UGGT2: variants seen among roughly 807,000 people sequenced by gnomAD.
The protein encoded by UGGT2 is UDP-glucose glycoprotein glucosyltransferase 2.
A neutral mutation model predicts 192.1 loss-of-function variants in UGGT2; 180 were observed. That is an observed-to-expected ratio of 0.94 (90% CI 0.83 to 1.06). The LOEUF (loss-of-function observed/expected upper bound fraction) is 1.06. Among genes scored for constraint, UGGT2 ranks in the 50% least tolerant of loss-of-function variants. The pLI is 0.00. For missense variants in UGGT2, 1,849 were observed against 1,795.7 expected (o/e 1.03, Z -0.54); for synonymous variants, 580 against 591.0 (o/e 0.98, Z 0.27).
At chr13:95,889,976 C>T (rs946249398) in intron 25 of UGGT2, among the ~76,000 whole-genome samples, 5 of 152,174 alleles carry the variant, frequency 3.3e-5, no homozygotes, top group African/African-American at 1.2e-4. Context: ...TCAACAATGA[C>T]ACAGGCAGTG....
chr13:95,803,641 C>T (rs1363165030), intron 38 of UGGT2, among the ~76,000 whole-genome samples: 2 of 152,070 alleles, frequency 1.3e-5, no homozygotes, highest in Non-Finnish European at 2.9e-5. Flanking sequence ...ACAGGATGGG[C>T]TTTGATCTGT....
intron 36 of UGGT2, among the ~76,000 whole-genome samples, chr13:95,840,200 C>T (rs556740473): frequency 6.6e-6 from 1 of 152,104 alleles, no homozygotes; most frequent in Non-Finnish European, 1.5e-5. Flanking sequence ...CAAATGGGAT[C>T]TATTTAAACT....
At chr13:95,914,612 TAAAAAAAAAAAAAAAAAAAA>T (rs146990164) in intron 20 of UGGT2, among the ~76,000 whole-genome samples, 1,460 of 81,002 alleles carry the variant, frequency 0.018, 25 homozygotes, top group Middle Eastern at 0.03. Flanking sequence ...CCATCTCTAC[TAAAAAAAAAAAAAAAAAAAA>T]AAAAAAAAAA....
intron 10 of UGGT2, among the ~76,000 whole-genome samples, chr13:95,977,809 T>C (rs748044965): frequency 7.9e-5 from 12 of 152,184 alleles, no homozygotes; most frequent in Non-Finnish European, 1.2e-4. Flanking sequence ...TCATCAATGA[T>C]AGACTGGATA....
chr13:95,838,493 A>C (rs1330471380), intron 36 of UGGT2, among the ~76,000 whole-genome samples: 2 of 152,140 alleles, frequency 1.3e-5, no homozygotes, highest in African/African-American at 4.8e-5. Flanking sequence ...AATATCCAAC[A>C]CAATATTGAA....
At chr13:95,807,726 T>C (rs1594049340) in intron 38 of UGGT2, among the ~76,000 whole-genome samples, 1 of 147,080 alleles carries the variant, frequency 6.8e-6, no homozygotes, top group Non-Finnish European at 1.5e-5. Flanking sequence ...CTTTTTTTTT[T>C]TTTTTTTTTG....
chr13:95,937,538 A>G lies in UGGT2; in HGVS notation c.1813-450T>C, dbSNP rs754002844. Among the ~76,000 whole-genome samples, 109 of 152,334 alleles carry G rather than the reference A, an allele frequency of 7.2e-4. 1 individual carries two copies. Among genetic ancestry groups the G allele is most frequent in the Non-Finnish European group, 1.4e-3 (97 of 68,020 alleles). Reference sequence around the variant, plus strand: ...ATTTATCCCTGTATTTATATGTTCAATAAACACTTATTCAATCCTGCCACC... The same window carrying G: ...ATTTATCCCTGTATTTATATGTTCAGTAAACACTTATTCAATCCTGCCACC... On this transcript the variant is annotated intron_variant, in intron 16 of 38. Coordinates refer to ENST00000376747, the MANE Select transcript of UGGT2 (RefSeq NM_020121.4).
chr13:95,947,448 C>T, intron 14 of UGGT2, among the ~76,000 whole-genome samples: 2 of 127,068 alleles, frequency 1.6e-5, no homozygotes, highest in African/African-American at 2.6e-5. Flanking sequence ...TAAATATACT[C>T]TTTTTATTTT....
intron 12 of UGGT2, among the ~76,000 whole-genome samples, chr13:95,958,930 T>C (rs1273340038): frequency 3.3e-5 from 5 of 152,202 alleles, no homozygotes; most frequent in Non-Finnish European, 7.3e-5. Flanking sequence ...TTCACCCTTA[T>C]GGGCTTCTGA....
intron 20 of UGGT2, among the ~76,000 whole-genome samples, chr13:95,923,557 A>G (rs9561985): frequency 0.36 from 55,409 of 151,874 alleles, 10,433 homozygotes; most frequent in Middle Eastern, 0.42. Context: ...TAGTGGAGAC[A>G]AAGTCATTTT....
intron 1 of UGGT2, among the ~76,000 whole-genome samples, chr13:96,040,424 T>C (rs1466791448): frequency 6.6e-6 from 1 of 152,138 alleles, no homozygotes; most frequent in African/African-American, 2.4e-5. Context: ...TAAAATGACA[T>C]TGGATTTGGG....
intron 38 of UGGT2, among the ~76,000 whole-genome samples, chr13:95,814,529 T>A (rs368115993): frequency 8.0e-4 from 122 of 152,344 alleles, no homozygotes; most frequent in African/African-American, 2.7e-3. Context: ...ATCTCCTTTG[T>A]ATCTTGGAAA....
At chr13:96,009,287 G>A (rs2052080600) in intron 5 of UGGT2, among the ~76,000 whole-genome samples, 2 of 152,180 alleles carry the variant, frequency 1.3e-5, no homozygotes, top group Non-Finnish European at 2.9e-5. Context: ...CCCTGGCAAA[G>A]ATTTCATGAC....
intron 12 of UGGT2, among the ~76,000 whole-genome samples, chr13:95,956,309 A>G (rs2050210313): frequency 6.6e-6 from 1 of 152,208 alleles, no homozygotes; most frequent in Non-Finnish European, 1.5e-5. Context: ...GGTAACCAAA[A>G]AAAGGTGGAA....
At chr13:95,885,152 T>A (rs1041624981) in intron 26 of UGGT2, among the ~76,000 whole-genome samples, 5 of 152,244 alleles carry the variant, frequency 3.3e-5, no homozygotes, top group African/African-American at 1.2e-4. Context: ...ACAAATAGGA[T>A]TAAGTTGAAA....
At position 95,927,332 on chromosome 13, in the gene UGGT2, G is replaced by A. The variant is rs2049050428; in HGVS notation, c.1982C>T (p.Thr661Ile). 1 of 1,600,448 alleles carries A rather than the reference G, an allele frequency of 6.2e-7. No homozygotes were observed. The highest frequency in any genetic ancestry group is 2.2e-5 in the East Asian group (1 of 44,650). ...AATTGCATTCGTGCGATCATTTAATGTGCCCTAAAAAAACAAAAATGTTAT... is the reference window on the plus strand; with the variant it reads ...AATTGCATTCGTGCGATCATTTAATATGCCCTAAAAAAACAAAAATGTTAT... ...VYLQREVFLG[T>I]LNDRTNAIDF... The change falls in exon 18 of 39, where the codon ACA becomes ATA. Residue 661 changes from threonine (T) to isoleucine (I), a missense_variant. Thr to Ile is a moderately conservative substitution (Grantham distance 89, BLOSUM62 -1). Transcript: ENST00000376747.
At chr13:95,962,600 C>T (rs2050434010) in intron 12 of UGGT2, among the ~76,000 whole-genome samples, 1 of 152,098 alleles carries the variant, frequency 6.6e-6, no homozygotes, top group South Asian at 2.1e-4. Context: ...GCTTTACTAC[C>T]TAATTCTACC....
At chr13:95,843,060 A>C (rs905653277) in intron 36 of UGGT2, among the ~76,000 whole-genome samples, 1 of 152,216 alleles carries the variant, frequency 6.6e-6, no homozygotes, top group African/African-American at 2.4e-5. Flanking sequence ...GGCTTTTATG[A>C]ATAATGCTAC....
chr13:95,998,850 G>A (rs2051707258), intron 6 of UGGT2, among the ~76,000 whole-genome samples: 1 of 151,338 alleles, frequency 6.6e-6, no homozygotes, highest in Non-Finnish European at 1.5e-5. Flanking sequence ...TTCCTTACAT[G>A]GGCGAGACCC....
Sources: allele counts gnomAD v4.1 joint callset (sites outside exome capture counted in the v4.1 genomes callset), GRCh38; gene constraint gnomAD v4.1.1; transcripts MANE v1.5; gene names NCBI Gene and HGNC (gene_info 2026-07-23, HGNC 2026-07-21).